The following CAMTA1 variants were observed in gnomAD, a reference collection of about 807,000 sequenced individuals.
CAMTA1 encodes the protein calmodulin-binding transcription activator 1.
A neutral mutation model predicts 170.9 loss-of-function variants in CAMTA1; 27 were observed. The observed-to-expected ratio is 0.16, with a 90% confidence interval of 0.12 to 0.22. The LOEUF is 0.22. Among genes scored for constraint, CAMTA1 ranks in the 10% least tolerant of loss-of-function variants. The pLI is 1.00. For synonymous variants in CAMTA1, 833 were observed against 891.5 expected, an observed-to-expected ratio of 0.93 and a Z score of 1.17; for missense variants, 1,619 against 2,217.2, an observed-to-expected ratio of 0.73 and a Z score of 5.42.
chr1:6,858,471 T>TG (rs1245286742), intron 3 of CAMTA1, among the ~76,000 whole-genome samples: 1 of 91,724 alleles, frequency 1.1e-5, no homozygotes, highest in South Asian at 3.8e-4. Flanking sequence ...GTGGTGGTGG[T>TG]GTGTGTGTGT....
intron 6 of CAMTA1, among the ~76,000 whole-genome samples, chr1:7,523,565 C>T (rs1269391755): frequency 6.6e-6 from 1 of 152,210 alleles, no homozygotes; most frequent in East Asian, 1.9e-4. Flanking sequence ...TGTACACATT[C>T]TGTGAAGTGT....
At chr1:7,667,499 G>A (rs933036724) in intron 9 of CAMTA1, among the ~76,000 whole-genome samples, 2 of 152,074 alleles carry the variant, frequency 1.3e-5, no homozygotes, top group African/African-American at 4.8e-5. Flanking sequence ...TTTGGTCCTC[G>A]GGACACTTAG....
At chr1:7,258,204 G>A (rs1266533671) in intron 5 of CAMTA1, among the ~76,000 whole-genome samples, 1 of 152,212 alleles carries the variant, frequency 6.6e-6, no homozygotes, top group Non-Finnish European at 1.5e-5. Context: ...GGAATATGTA[G>A]CAGGAAGTGT....
At chr1:7,660,827 A>G (rs1307199142) in intron 7 of CAMTA1, among the ~76,000 whole-genome samples, 1 of 152,200 alleles carries the variant, frequency 6.6e-6, no homozygotes, top group Non-Finnish European at 1.5e-5. Context: ...CCAGCCCCAA[A>G]GCTGCGAATC....
At chr1:6,926,346 T>TCCTC (rs1029862597) in intron 3 of CAMTA1, among the ~76,000 whole-genome samples, 5 of 145,110 alleles carry the variant, frequency 3.4e-5, no homozygotes, top group Non-Finnish European at 7.6e-5. Context: ...TCCTTTCCTT[T>TCCTC]CCTCCCTCCC....
At chr1:6,798,393 GT>G (rs1455975872) in intron 1 of CAMTA1, among the ~76,000 whole-genome samples, 1 of 152,052 alleles carries the variant, frequency 6.6e-6, no homozygotes, top group Non-Finnish European at 1.5e-5. Context: ...TTATTATTAG[GT>G]TTCAAAAAGT....
At chr1:7,167,276 TCTC>T (rs148356482) in intron 4 of CAMTA1, among the ~76,000 whole-genome samples, 2,750 of 152,288 alleles carry the variant, frequency 0.018, 39 homozygotes, top group South Asian at 0.04. Context: ...GTAGGAAAAT[TCTC>T]CTTTTTTTCC....
At chr1:7,471,725 C>T (rs1048176897) in intron 6 of CAMTA1, among the ~76,000 whole-genome samples, 8 of 152,248 alleles carry the variant, frequency 5.3e-5, no homozygotes, top group Non-Finnish European at 7.3e-5. Context: ...CCCTGAGCCT[C>T]GTGAGGTAGA....
chr1:6,847,145 A>C (rs1658499774), intron 3 of CAMTA1, among the ~76,000 whole-genome samples: 1 of 151,732 alleles, frequency 6.6e-6, no homozygotes, highest in African/African-American at 2.4e-5. Context: ...CTGGGATTAT[A>C]GGCTTGTGCC....
intron 4 of CAMTA1, among the ~76,000 whole-genome samples, chr1:7,157,925 C>G (rs948708659): frequency 1.3e-5 from 2 of 152,020 alleles, no homozygotes; most frequent in Non-Finnish European, 2.9e-5. Flanking sequence ...TTTGGGAGGC[C>G]GAGGAGGGCG....
intron 6 of CAMTA1, among the ~76,000 whole-genome samples, chr1:7,597,578 GGA>G (rs150258747): frequency 2.7e-5 from 4 of 150,658 alleles, no homozygotes; most frequent in African/African-American, 2.4e-5. Flanking sequence ...GTATATATAT[GGA>G]GAGAGAGAGA....
chr1:6,919,103 T>C (rs1466246390), intron 3 of CAMTA1, among the ~76,000 whole-genome samples: 1 of 152,212 alleles, frequency 6.6e-6, no homozygotes, highest in South Asian at 2.1e-4. Flanking sequence ...GACACCTTTT[T>C]CCGGAGGTTT....
chr1:7,612,688 G>C (rs74053106), intron 6 of CAMTA1, among the ~76,000 whole-genome samples: 12,951 of 152,254 alleles, frequency 0.085, 1,818 homozygotes, highest in African/African-American at 0.29. Context: ...TGGAGTGATG[G>C]CTGCCAGGCA....
chr1:7,310,609 T>G (rs190167147), intron 5 of CAMTA1, among the ~76,000 whole-genome samples: 1,460 of 5,222 alleles, frequency 0.28, 23 homozygotes, highest in Middle Eastern at 0.43. Flanking sequence ...CTTTTCTTTC[T>G]TTCTTTCTTT....
At chr1:7,240,823 T>G (rs1664733531) in intron 4 of CAMTA1, among the ~76,000 whole-genome samples, 2 of 152,186 alleles carry the variant, frequency 1.3e-5, no homozygotes, top group African/African-American at 4.8e-5. Context: ...CTTTTCATAT[T>G]AGCTTAAGTC....
At chr1:7,019,818 G>C (rs1051714079) in intron 3 of CAMTA1, among the ~76,000 whole-genome samples, 7 of 152,228 alleles carry the variant, frequency 4.6e-5, no homozygotes, top group African/African-American at 1.4e-4. Flanking sequence ...GCCTGTGCCT[G>C]CCACAGCCCC....
At position 7,634,178 on chromosome 1, in the gene CAMTA1, G is replaced by C. The variant is rs1310618558; in HGVS notation, c.511-6222G>C. Among the ~76,000 whole-genome samples the C allele has an allele frequency of 6.6e-6, 1 of 152,180 alleles. No individual in the cohort carries two copies. ...CAGACGTGAGGACACCCGGGAGGAG[G>C]GCACACTCCCACGTGCGCAGGAGAG... On this transcript the variant is annotated intron_variant, in intron 6 of 22. Transcript: ENST00000303635. This position sits in a 1 kb window ranked among gnomAD's most constrained non-coding sequence, Gnocchi z 6.2.
At chr1:6,849,373 GGAGAGTAGGAGAAT>G (rs1456174172) in intron 3 of CAMTA1, among the ~76,000 whole-genome samples, 1 of 152,052 alleles carries the variant, frequency 6.6e-6, no homozygotes, top group Non-Finnish European at 1.5e-5. Context: ...AATTTTCCTT[GGAGAGTAGGAGAAT>G]GAGAGAAGAA....
At chr1:7,311,926 T>C (rs1308752300) in intron 5 of CAMTA1, among the ~76,000 whole-genome samples, 2 of 152,202 alleles carry the variant, frequency 1.3e-5, no homozygotes, top group East Asian at 1.9e-4. Context: ...TCAAAGTCTT[T>C]GGCATGCTGT....
Sources: gnomAD v4.1 joint callset for allele counts (sites outside exome capture counted in the v4.1 genomes callset) on GRCh38, gnomAD v4.1.1 for gene constraint, Gnocchi (gnomAD v3.1) non-coding constraint, MANE v1.5 for transcripts, NCBI Gene and HGNC (gene_info 2026-07-23, HGNC 2026-07-21) for gene names.